The following LRBA variants were observed in gnomAD, a reference collection of about 807,000 sequenced individuals.
The protein encoded by LRBA is LPS responsive beige-like anchor protein.
A neutral mutation model predicts 330.0 loss-of-function variants in LRBA; 176 were observed. The ratio of observed to expected loss-of-function variants is 0.53; its 90% CI spans 0.47 to 0.60. The LOEUF is 0.60. Ranked by LOEUF, LRBA falls within the 20% of genes least tolerant of loss-of-function variation. The pLI is 0.00. For missense variants in LRBA, 3,259 were observed against 3,444.8 expected (o/e 0.95, Z 1.35); for synonymous variants, 1,230 against 1,193.0 (o/e 1.03, Z -0.64).
Position 150,285,963 on chromosome 4 carries a change from C to A in LRBA, c.8089G>T (p.Glu2697Ter), listed in dbSNP as rs1264676368. 1 of 1,596,886 alleles carries A rather than the reference C, an allele frequency of 6.3e-7. No individual in the cohort carries two copies. The highest frequency in any genetic ancestry group is 8.5e-7 in the Non-Finnish European group (1 of 1,172,414). ...GAACCACTCAACACCAGGCCTAGCT[C>A]CGCACACACCGCAGCACATGTGACC... ...YEVTCAAVCA[E>*]LGLVLSGSQE... The change falls in exon 54 of 57, where the codon GAG (glutamate) becomes TAG (stop). Residue 2697 changes from glutamate to a stop codon, truncating the protein, a stop_gained. Transcript: ENST00000651943. LOFTEE classifies it high-confidence loss of function.
intron 13 of LRBA, among the ~76,000 whole-genome samples, chr4:150,901,389 C>T (rs1730710587): frequency 6.6e-6 from 1 of 152,134 alleles, no homozygotes; most frequent in African/African-American, 2.4e-5. Flanking sequence ...ACTGCTTTTG[C>T]TCTACTCTCA....
At chr4:150,612,176 T>G (rs1227812566) in intron 37 of LRBA, among the ~76,000 whole-genome samples, 1 of 152,130 alleles carries the variant, frequency 6.6e-6, no homozygotes, top group African/African-American at 2.4e-5. Context: ...TAAGATACTT[T>G]GTAAGTAACA....
intron 40 of LRBA, among the ~76,000 whole-genome samples, chr4:150,539,090 T>C (rs1765024081): frequency 6.6e-6 from 1 of 152,156 alleles, no homozygotes; most frequent in East Asian, 1.9e-4. Flanking sequence ...ATTCTCCTGC[T>C]TCAGGCTCCC....
At chr4:150,371,132 T>C (rs1413544760) in intron 47 of LRBA, among the ~76,000 whole-genome samples, 1 of 150,888 alleles carries the variant, frequency 6.6e-6, no homozygotes, top group African/African-American at 2.4e-5. Flanking sequence ...TAATATATAA[T>C]CTATCTCCTT....
intron 36 of LRBA, among the ~76,000 whole-genome samples, chr4:150,719,963 C>A (rs533788325): frequency 6.6e-6 from 1 of 151,994 alleles, no homozygotes; most frequent in Non-Finnish European, 1.5e-5. Context: ...AAATATTTAA[C>A]AAAATCTTAG....
chr4:150,917,166 T>C (rs1010706065), intron 5 of LRBA, among the ~76,000 whole-genome samples: 1 of 151,388 alleles, frequency 6.6e-6, no homozygotes, highest in African/African-American at 2.4e-5. Context: ...AAAAAAAATA[T>C]ATATATATCT....
intron 40 of LRBA, among the ~76,000 whole-genome samples, chr4:150,535,953 C>G (rs1176451300): frequency 6.6e-6 from 1 of 152,120 alleles, no homozygotes; most frequent in African/African-American, 2.4e-5. Context: ...ACATCATCAA[C>G]TATAGTTCAC....
chr4:150,554,378 T>C (rs1338662670), intron 40 of LRBA, among the ~76,000 whole-genome samples: 1 of 152,186 alleles, frequency 6.6e-6, no homozygotes, highest in South Asian at 2.1e-4. Context: ...AACCAGGAAG[T>C]AGGATCAGAG....
intron 40 of LRBA, chr4:150,581,141 T>TA (rs1771274299): frequency 1.1e-5 from 2 of 186,240 alleles, no homozygotes; most frequent in South Asian, 2.0e-4. Context: ...TCTCACAACT[T>TA]AGATATTTTC....
chr4:150,819,189 G>GTT (rs563549725), intron 30 of LRBA, among the ~76,000 whole-genome samples: 1 of 144,604 alleles, frequency 6.9e-6, no homozygotes, highest in Admixed American at 6.9e-5. Context: ...TACTTTATGG[G>GTT]TTTTTTTTTT....
At position 150,985,276 on chromosome 4, in the gene LRBA, T is replaced by G. The variant is rs557871651; in HGVS notation, c.216+29151A>C. Among the ~76,000 whole-genome samples the G allele has an allele frequency of 6.4e-4, 96 of 151,154 alleles. No individual in the cohort carries two copies. The East Asian group carries it at 0.013, about 20-fold the overall frequency. On this transcript the variant is annotated intron_variant, in intron 2 of 56. Transcript: ENST00000651943. ...CCATCTCAAAAAAAAAAAAAAAGCT[T>G]ATATTTTAAATTAAAAAATAAAACA...
Position 150,900,136 on chromosome 4 carries a change from T to A in LRBA, c.1837A>T (p.Thr613Ser). The A allele has an allele frequency of 3.7e-6, 6 of 1,613,014 alleles. No individual in the cohort carries two copies. Among genetic ancestry groups the A allele is most frequent in the Non-Finnish European group, 5.1e-6 (6 of 1,179,044 alleles). The change falls in exon 14 of 57, where the codon ACA (threonine) becomes TCA (serine). Residue 613 changes from threonine (T) to serine (S), a missense_variant. By Grantham distance (58) the Thr-to-Ser change is moderately conservative. Coordinates refer to ENST00000651943, the MANE Select transcript of LRBA (RefSeq NM_001364905.1). ...NIYNTIRRVG[T>S]VLLIMHTLKY... The stretch of plus-strand genomic sequence containing the variant: ...AGCGTGTGCATGATGAGAAGCACTG[T>A]TCCAACTCTCCGAATGGTGTTATAT...
In LRBA at chr4:150,645,973, T is replaced by C. The variant is rs573079947; in HGVS notation, c.5921+37578A>G. Among the ~76,000 whole-genome samples the C allele has an allele frequency of 2.0e-3, 291 of 148,658 alleles. 2 individuals are homozygous for C. Among genetic ancestry groups the C allele is most frequent in the Admixed American group, 3.8e-3 (55 of 14,556 alleles). The stretch of plus-strand genomic sequence containing the variant: ...CTCAATAGATATATTTTAAATTTTA[T>C]CAATAAAAATATATTAAAATTTGCT... On this transcript the variant is annotated intron_variant, in intron 37 of 56. Transcript: ENST00000651943.
chr4:150,490,946 T>C lies in LRBA; in HGVS notation c.6420A>G (p.Thr2140=). The C allele has an allele frequency of 6.2e-7, 1 of 1,608,236 alleles. No individual in the cohort carries two copies. Reference sequence around the variant, plus strand: ...TGTTTGCCATAAAGATCTCCAGGGCTGTATTTTGCAAAAGATAACGACGAG... The same window carrying C: ...TGTTTGCCATAAAGATCTCCAGGGCCGTATTTTGCAAAAGATAACGACGAG... ...IFSRRYLLQN[T]ALEIFMANRV... The change falls in exon 41 of 57, where the codon ACA becomes ACG. Residue 2140 remains threonine, a synonymous_variant. Transcript: ENST00000651943.
chr4:150,562,401 G>A lies in LRBA; in HGVS notation c.6330+25647C>T, dbSNP rs116683477. 7.5e-3 allele frequency among the ~76,000 whole-genome samples: 1,147 copies of A among 152,220 alleles called. 6 individuals are homozygous for A. Among genetic ancestry groups the A allele is most frequent in the African/African-American group, 0.026 (1,071 of 41,540 alleles). On this transcript the variant is annotated intron_variant, in intron 40 of 56. Coordinates refer to ENST00000651943, the MANE Select transcript of LRBA (RefSeq NM_001364905.1). ...GGACAGCAGCAGGAATAATGATAGC[G>A]TAGTTACAAGTATACTCTCATTGCT...
chr4:150,815,641 A>C (rs960294293), intron 31 of LRBA, among the ~76,000 whole-genome samples: 3 of 151,968 alleles, frequency 2.0e-5, no homozygotes, highest in Non-Finnish European at 4.4e-5. Context: ...ACTAGAAAAA[A>C]AATTCTAATC....
In LRBA at chr4:150,325,821, A is replaced by G; in HGVS notation, c.7440T>C (p.Ser2480=). 1.2e-6 allele frequency: 2 copies of G among 1,612,940 alleles called. No homozygotes were observed. Among genetic ancestry groups the G allele is most frequent in the South Asian group, 2.2e-5 (2 of 91,028 alleles). ...AAATAGCACTTACCACTTGCATGGCAGAACCTCTGGGAGGATGGGGCTCTA... is the reference window on the plus strand; with the variant it reads ...AAATAGCACTTACCACTTGCATGGCGGAACCTCTGGGAGGATGGGGCTCTA... ...LLIEPHPPRG[S]AMQVSPLMFT... Residue 2480 remains serine (S), a synonymous_variant, in exon 49 of 57, where the codon TCT becomes TCC. Coordinates refer to ENST00000651943, the MANE Select transcript of LRBA (RefSeq NM_001364905.1).
chr4:150,406,178 G>A (rs1746171490), intron 47 of LRBA, among the ~76,000 whole-genome samples: 1 of 152,006 alleles, frequency 6.6e-6, no homozygotes, highest in Non-Finnish European at 1.5e-5. Flanking sequence ...CAACAAAGAT[G>A]ATAAAGGAGG....
At chr4:150,414,356 T>G in intron 47 of LRBA, among the ~76,000 whole-genome samples, 1 of 152,196 alleles carries the variant, frequency 6.6e-6, no homozygotes, top group East Asian at 1.9e-4. Flanking sequence ...ATTGTTGGTA[T>G]GAAAAGAAAG....
Sources: allele counts gnomAD v4.1 joint callset (sites outside exome capture counted in the v4.1 genomes callset), GRCh38; gene constraint gnomAD v4.1.1; transcripts MANE v1.5; gene names NCBI Gene and HGNC (gene_info 2026-07-23, HGNC 2026-07-21).